Variants in CSMD1 observed in about 807,000 individuals in gnomAD.
CSMD1 encodes the protein CUB and sushi domain-containing protein 1.
A neutral mutation model predicts 417.5 loss-of-function variants in CSMD1; 213 were observed. The ratio of observed to expected loss-of-function variants is 0.51; its 90% CI spans 0.46 to 0.57. The LOEUF (loss-of-function observed/expected upper bound fraction) is 0.57. Among genes scored for constraint, CSMD1 ranks in the 20% least tolerant of loss-of-function variants. The pLI, the probability that CSMD1 is intolerant of heterozygous loss-of-function variation, is 0.00. For synonymous variants in CSMD1, 2,862 were observed against 1,736.8 expected (o/e 1.65, Z -16.11); for missense variants, 6,923 against 4,529.7 (o/e 1.53, Z -15.17).
intron 2 of CSMD1, among the ~76,000 whole-genome samples, chr8:4,427,604 G>A (rs1226688086): frequency 6.6e-6 from 1 of 152,028 alleles, no homozygotes; most frequent in Non-Finnish European, 1.5e-5. Context: ...GAGACTCGAA[G>A]TAAAAATTAT....
chr8:4,807,328 T>C (rs1798647335), intron 1 of CSMD1, among the ~76,000 whole-genome samples: 1 of 152,160 alleles, frequency 6.6e-6, no homozygotes, highest in African/African-American at 2.4e-5. Flanking sequence ...AAGGGTAGGG[T>C]GACAGCACTG....
chr8:4,986,492 T>G (rs1453557084), intron 1 of CSMD1, among the ~76,000 whole-genome samples: 1 of 152,102 alleles, frequency 6.6e-6, no homozygotes, highest in Non-Finnish European at 1.5e-5. Flanking sequence ...ATTTCAAAGG[T>G]TTTTCATTCA....
chr8:4,518,675 G>C (rs940247844), intron 2 of CSMD1, among the ~76,000 whole-genome samples: 10 of 147,510 alleles, frequency 6.8e-5, no homozygotes, highest in African/African-American at 2.4e-4. Flanking sequence ...TAAATGACGA[G>C]TTAACGGTGC....
chr8:3,494,323 G>A (rs1273082820), intron 10 of CSMD1, among the ~76,000 whole-genome samples: 3 of 152,132 alleles, frequency 2.0e-5, no homozygotes, highest in African/African-American at 7.2e-5. Context: ...TGATGTGCCA[G>A]TATATTATAA....
intron 2 of CSMD1, among the ~76,000 whole-genome samples, chr8:4,478,655 T>C (rs991450986): frequency 3.3e-5 from 5 of 152,234 alleles, no homozygotes; most frequent in African/African-American, 9.6e-5. Context: ...AATTTTCTAA[T>C]GTCAAGTTAA....
At chr8:3,751,322 G>A (rs1379119846) in intron 6 of CSMD1, among the ~76,000 whole-genome samples, 1 of 145,930 alleles carries the variant, frequency 6.9e-6, no homozygotes, top group African/African-American at 2.5e-5. Context: ...GTGTGTGTGT[G>A]TGTGTATATA....
intron 46 of CSMD1, among the ~76,000 whole-genome samples, chr8:3,102,991 T>G (rs1811601586): frequency 6.6e-6 from 1 of 152,114 alleles, no homozygotes; most frequent in Non-Finnish European, 1.5e-5. Context: ...TCCCCAAACC[T>G]TTGTGATTTA....
chr8:4,026,157 A>G (rs1797054517), intron 4 of CSMD1, among the ~76,000 whole-genome samples: 1 of 152,158 alleles, frequency 6.6e-6, no homozygotes. Context: ...AATATGTCAC[A>G]TTTACACATT....
At chr8:4,907,564 T>C (rs1805377253) in intron 1 of CSMD1, among the ~76,000 whole-genome samples, 2 of 152,002 alleles carry the variant, frequency 1.3e-5, no homozygotes, top group African/African-American at 4.8e-5. Context: ...TTGTTGTTGT[T>C]TTATTGGTTT....
intron 3 of CSMD1, among the ~76,000 whole-genome samples, chr8:4,212,999 T>A (rs1345764540): frequency 1.3e-5 from 2 of 152,116 alleles, no homozygotes; most frequent in African/African-American, 4.8e-5. Flanking sequence ...ATGTTGCCTC[T>A]CAGTCTTTGT....
intron 2 of CSMD1, among the ~76,000 whole-genome samples, chr8:4,446,720 TGTGTGTGTGTGTCTGTGTGTG>T (rs1798813798): frequency 2.1e-5 from 3 of 145,064 alleles, no homozygotes; most frequent in African/African-American, 7.7e-5. Context: ...GCCTGAGTTG[TGTGTGTGTGTGTCTGTGTGTG>T]TGTGTGTGTG....
intron 12 of CSMD1, among the ~76,000 whole-genome samples, chr8:3,416,978 A>G (rs1813195902): frequency 6.6e-6 from 1 of 152,224 alleles, no homozygotes. Context: ...TCTAAATCTC[A>G]ATAGATGACT....
chr8:4,784,442 C>G (rs374647997), intron 1 of CSMD1, among the ~76,000 whole-genome samples: 1 of 152,286 alleles, frequency 6.6e-6, no homozygotes, highest in African/African-American at 2.4e-5. Flanking sequence ...AAATTTTGAA[C>G]CCGTGATTAA....
chr8:3,722,810 A>G (rs2129044989), intron 6 of CSMD1, among the ~76,000 whole-genome samples: 1 of 152,350 alleles, frequency 6.6e-6, no homozygotes, highest in Middle Eastern at 3.4e-3. Flanking sequence ...ACAAGGAACG[A>G]TGCTGGTCTT....
At chr8:3,104,935 G>C (rs984661799) in intron 46 of CSMD1, among the ~76,000 whole-genome samples, 1 of 152,080 alleles carries the variant, frequency 6.6e-6, no homozygotes, top group Admixed American at 6.6e-5. Context: ...CGACCTCCCA[G>C]CCTCAGGTGA....
chr8:4,357,486 G>C (rs1801496901), intron 3 of CSMD1, among the ~76,000 whole-genome samples: 1 of 151,984 alleles, frequency 6.6e-6, no homozygotes, highest in South Asian at 2.1e-4. Context: ...TCACCAACAT[G>C]GCATTACTTT....
chr8:4,244,341 G>C (rs1319111356), intron 3 of CSMD1, among the ~76,000 whole-genome samples: 1 of 152,146 alleles, frequency 6.6e-6, no homozygotes, highest in Admixed American at 6.6e-5. Flanking sequence ...GGAGCTCCAA[G>C]AACTGGGATT....
At chr8:4,537,477 T>C (rs553830509) in intron 2 of CSMD1, among the ~76,000 whole-genome samples, 5 of 152,332 alleles carry the variant, frequency 3.3e-5, no homozygotes, top group East Asian at 1.9e-4. Context: ...ATAAGGCTAA[T>C]AGTCATATAT....
At chr8:4,347,992 A>G (rs550482210) in intron 3 of CSMD1, among the ~76,000 whole-genome samples, 2 of 152,310 alleles carry the variant, frequency 1.3e-5, no homozygotes, top group South Asian at 4.1e-4. Context: ...ACTGGCAAAC[A>G]TGCGTCACTT....
Sources: allele counts gnomAD v4.1 joint callset (sites outside exome capture counted in the v4.1 genomes callset), GRCh38; gene constraint gnomAD v4.1.1; transcripts MANE v1.5; gene names NCBI Gene and HGNC (gene_info 2026-07-23, HGNC 2026-07-21).